FLT3LG: variants seen among roughly 807,000 people sequenced by gnomAD.
FLT3LG encodes fms related receptor tyrosine kinase 3 ligand, also known as fms-related tyrosine kinase 3 ligand.
Under a neutral mutation model 30.9 loss-of-function variants are expected in FLT3LG, and 8 were observed. The ratio of observed to expected loss-of-function variants is 0.26; its 90% CI spans 0.15 to 0.47. The LOEUF (loss-of-function observed/expected upper bound fraction) is 0.47, where lower values mean the gene tolerates loss of function less well. FLT3LG is among the 20% of genes least tolerant of loss of function. The pLI is 0.99. For synonymous variants in FLT3LG, 123 were observed against 135.9 expected (o/e 0.91, Z 0.66); for missense variants, 278 against 306.2 (o/e 0.91, Z 0.69).
intron 8 of FLT3LG, among the ~76,000 whole-genome samples, chr19:49,483,254 T>C (rs1218804856): frequency 1.3e-5 from 2 of 151,646 alleles, no homozygotes; most frequent in South Asian, 2.1e-4. Flanking sequence ...GCCTCCCGAG[T>C]ACCTGGGATT....
intron 5 of FLT3LG, among the ~76,000 whole-genome samples, chr19:49,478,264 A>G (rs1017170486): frequency 4.6e-5 from 7 of 151,162 alleles, no homozygotes; most frequent in South Asian, 2.1e-4. Context: ...TCAGGAGATC[A>G]AGACCATCCT....
chr19:49,479,112 A>AC (rs1428859340), intron 6 of FLT3LG, 65 bp downstream of exon 6: 1 of 1,461,070 alleles, frequency 6.8e-7, no homozygotes, highest in Non-Finnish European at 9.3e-7. Context: ...TCCTCTCTGC[A>AC]CAGTGCATCC....
At chr19:49,477,228 C>A (rs2079424080) in intron 5 of FLT3LG, among the ~76,000 whole-genome samples, 1 of 151,952 alleles carries the variant, frequency 6.6e-6, no homozygotes, top group Non-Finnish European at 1.5e-5. Context: ...ATTATTTGAG[C>A]CCAGGAGTTC....
chr19:49,475,808 G>T lies in FLT3LG; in HGVS notation c.144+7G>T. The stretch of plus-strand genomic sequence containing the variant: ...TGTCAAAATCCGTGAGCTGGTGAGC[G>T]GCGCTGCCCCGGACCCCCTCATGTG... On this transcript the variant is annotated splice_region_variant and intron_variant, in intron 3 of 8. Coordinates refer to ENST00000597551, the MANE Select transcript of FLT3LG (RefSeq NM_001459.4). The T allele has an allele frequency of 6.2e-7, 1 of 1,611,620 alleles. No individual in the cohort carries two copies. Among genetic ancestry groups the T allele is most frequent in the East Asian group, 2.2e-5 (1 of 44,870 alleles).
In FLT3LG at chr19:49,484,091, G is replaced by A. The variant is rs146597979; in HGVS notation, c.*22-1924G>A. On this transcript the variant is annotated intron_variant, in intron 8 of 8. Coordinates refer to ENST00000597551, the MANE Select transcript of FLT3LG (RefSeq NM_001459.4). ...GTAGAGGTAGGGTTTCACTATGTTTGCCAGGATTGTCTCGATCTCTTGACC... is the reference window on the plus strand; with the variant it reads ...GTAGAGGTAGGGTTTCACTATGTTTACCAGGATTGTCTCGATCTCTTGACC... Among the ~76,000 whole-genome samples the A allele has an allele frequency of 1.2e-3, 174 of 150,464 alleles. 4 individuals carry two copies. The East Asian group carries it at 0.031, about 27-fold the overall frequency.
chr19:49,480,036 T>C (rs1374141246), intron 6 of FLT3LG, among the ~76,000 whole-genome samples: 1 of 148,574 alleles, frequency 6.7e-6, no homozygotes, highest in Non-Finnish European at 1.5e-5. Flanking sequence ...ACTCCTGACC[T>C]CAAGTGATCC....
intron 5 of FLT3LG, among the ~76,000 whole-genome samples, chr19:49,478,632 G>A (rs559468624): frequency 1.4e-4 from 22 of 152,134 alleles, no homozygotes; most frequent in African/African-American, 4.8e-4. Flanking sequence ...AAATAGCTGG[G>A]CATGGTGGTG....
intron 2 of FLT3LG, 85 bp from the exon 3 acceptor site, chr19:49,475,606 G>A (rs1601071571): frequency 6.6e-7 from 1 of 1,514,374 alleles, no homozygotes; most frequent in East Asian, 2.4e-5. Flanking sequence ...GAGCGGGGAA[G>A]ACAGAACAGT....
In FLT3LG at chr19:49,480,108, C is replaced by G. The variant is rs540171686; in HGVS notation, c.482-190C>G. On this transcript the variant is annotated intron_variant, in intron 6 of 8. Transcript: ENST00000597551. ...CGTGAGCCACCGCGCTCAGCCTATT[C>G]ACTCATTTAATTTGTGACAGTCTGA... 2.6e-5 allele frequency among the ~76,000 whole-genome samples: 4 copies of G among 152,262 alleles called. No homozygotes were observed. In the South Asian group the frequency reaches 8.3e-4, roughly 32 times the overall value.
chr19:49,480,299 C>G lies in FLT3LG; in HGVS notation c.483C>G (p.Asp161Glu), dbSNP rs1381855889. 6.3e-7 allele frequency: 1 copy of G among 1,588,656 alleles called. No homozygotes were observed. Among genetic ancestry groups the G allele is most frequent in the East Asian group, 2.2e-5 (1 of 44,472 alleles). Residue 161 changes from aspartate to glutamate, a missense_variant and splice_region_variant, in exon 7 of 9, where the codon GAC becomes GAG. By Grantham distance (45) the Asp-to-Glu change is conservative (BLOSUM62 2). Around this residue, in one of 3 missense-constraint regions of FLT3LG, gnomAD observed 170 missense variants for 162.0 expected, o/e 1.05. Coordinates refer to ENST00000597551, the MANE Select transcript of FLT3LG (RefSeq NM_001459.4). ...ACCCAGCCTCCTCTTTCTCCCCAGA[C>G]TCCTCAACCCTGCCACCCCCATGGA... Reference protein sequence around the residue: ...SRCLELQCQPDSSTLPPPWSP... With the variant: ...SRCLELQCQPESSTLPPPWSP...
chr19:49,477,499 G>A (rs577874813), intron 5 of FLT3LG, among the ~76,000 whole-genome samples: 1 of 152,064 alleles, frequency 6.6e-6, no homozygotes, highest in Admixed American at 6.6e-5. Context: ...AGCACTTTGG[G>A]AGGCTGAGGC....
intron 5 of FLT3LG, among the ~76,000 whole-genome samples, chr19:49,478,515 AC>A (rs2079476881): frequency 6.6e-6 from 1 of 151,004 alleles, no homozygotes; most frequent in South Asian, 2.1e-4. Context: ...GCTCATGCCT[AC>A]AATCCCAGCA....
intron 8 of FLT3LG, chr19:49,481,632 G>A (rs2079614706): frequency 6.6e-6 from 1 of 152,350 alleles, no homozygotes; most frequent in Admixed American, 6.6e-5. Context: ...CTAACATTTT[G>A]TAGTAATTGC....
At chr19:49,483,632 G>A (rs537186806) in intron 8 of FLT3LG, among the ~76,000 whole-genome samples, 1 of 151,812 alleles carries the variant, frequency 6.6e-6, no homozygotes, top group South Asian at 2.1e-4. Context: ...CAAAGTAGGA[G>A]GATTGCTTGA....
In FLT3LG at chr19:49,478,957, C is replaced by T; in HGVS notation, c.391C>T (p.Leu131=). The T allele has an allele frequency of 1.3e-6, 2 of 1,579,202 alleles. No individual in the cohort carries two copies. Among genetic ancestry groups the T allele is most frequent in the Non-Finnish European group, 1.7e-6 (2 of 1,162,360 alleles). Residue 131 remains leucine, a synonymous_variant, in exon 6 of 9, where the codon CTG becomes TTG. Coordinates refer to ENST00000597551, the MANE Select transcript of FLT3LG (RefSeq NM_001459.4). The stretch of plus-strand genomic sequence containing the variant: ...CGTCCAGACCAACATCTCCCGCCTC[C>T]TGCAGGAGACCTCCGAGCAGCTGGT... The part of the protein sequence containing the change: ...RFVQTNISRL[L]QETSEQLVAL...
chr19:49,474,701 G>T (rs1431460445), intron 2 of FLT3LG, 29 bp downstream of exon 2: 1 of 1,609,060 alleles, frequency 6.2e-7, no homozygotes, highest in Non-Finnish European at 8.5e-7. Flanking sequence ...CAAGATCAGG[G>T]GAGAGGGGAG....
intron 5 of FLT3LG, among the ~76,000 whole-genome samples, chr19:49,478,560 G>A (rs2079478707): frequency 6.6e-6 from 1 of 152,016 alleles, no homozygotes; most frequent in Non-Finnish European, 1.5e-5. Flanking sequence ...ATCACCTGAG[G>A]TCAGGAGTTC....
At position 49,476,049 on chromosome 19, in the gene FLT3LG, G is replaced by A; in HGVS notation, c.145-96G>A. On this transcript the variant is annotated intron_variant, in intron 3 of 8. Transcript: ENST00000597551. The surrounding 1 kb of genome is among the most constrained non-coding windows in gnomAD (Gnocchi z 5.3). ...TCTGGGCTCCCCCTCTCTTGGTCTT[G>A]TCCCTCTCTCTCTGGATCTCTGCTG... The A allele has an allele frequency of 7.1e-7, 1 of 1,403,422 alleles. No individual in the cohort carries two copies. Among genetic ancestry groups the A allele is most frequent in the Non-Finnish European group, 1.0e-6 (1 of 991,184 alleles). 86.9% of individuals were successfully genotyped at this position (1,403,422 alleles called of 1,614,324 possible).
chr19:49,479,498 CTTTTT>C (rs1177717575), intron 6 of FLT3LG, among the ~76,000 whole-genome samples: 4 of 96,056 alleles, frequency 4.2e-5, no homozygotes, highest in South Asian at 6.4e-4. Context: ...CCCAGCCTAC[CTTTTT>C]TTTTTTTTTT....
Sources: allele counts gnomAD v4.1 joint callset (sites outside exome capture counted in the v4.1 genomes callset), GRCh38; gene constraint gnomAD v4.1.1; regional missense constraint gnomAD v4.1.1; non-coding constraint Gnocchi (gnomAD v3.1); transcripts MANE v1.5; gene names NCBI Gene and HGNC (gene_info 2026-07-23, HGNC 2026-07-21).